Variants in TNPO1 observed in about 807,000 individuals in gnomAD.
TNPO1 encodes transportin 1.
Under a neutral mutation model 119.5 loss-of-function variants are expected in TNPO1, and 8 were observed. The observed-to-expected ratio is 0.07, with a 90% CI of 0.04 to 0.12. The LOEUF (loss-of-function observed/expected upper bound fraction) is 0.12, where lower values mean the gene tolerates loss of function less well. Ranked by LOEUF, TNPO1 falls within the 10% of genes least tolerant of loss-of-function variation. The pLI is 1.00. For missense variants in TNPO1, 576 were observed against 1,089.8 expected (o/e 0.53, Z 6.64); for synonymous variants, 362 against 363.0 (o/e 1.00, Z 0.03).
intron 4 of TNPO1, among the ~76,000 whole-genome samples, chr5:72,861,188 G>A (rs1344486760): frequency 3.3e-5 from 5 of 152,222 alleles, no homozygotes; most frequent in African/African-American, 9.6e-5. Flanking sequence ...TGGGATTACA[G>A]GTGTGAGCCA....
rs868186440 is a variant in TNPO1, at chr5:72,891,954, T to G, written c.1788+58T>G. ...CAAGAACACATGTTCAAATCCAAAA[T>G]GGGTATATATGATAAGAAAAGTGTT... On this transcript the variant is annotated intron_variant, in intron 15 of 24. Transcript: ENST00000337273. 404 of 1,278,996 alleles carry G rather than the reference T, an allele frequency of 3.2e-4. 1 individual carries two copies. The highest frequency in any genetic ancestry group is 5.7e-4 in the Middle Eastern group (3 of 5,284). 79.2% of individuals were successfully genotyped at this position (1,278,996 alleles called of 1,614,324 possible).
At chr5:72,901,861 G>A (rs558609818) in intron 22 of TNPO1, among the ~76,000 whole-genome samples, 20 of 152,162 alleles carry the variant, frequency 1.3e-4, no homozygotes, top group Admixed American at 5.9e-4. Context: ...GGCAGATCAC[G>A]AGGTCAGGAG....
chr5:72,849,832 T>C (rs1036932552), intron 2 of TNPO1, among the ~76,000 whole-genome samples: 2 of 152,220 alleles, frequency 1.3e-5, no homozygotes, highest in African/African-American at 2.4e-5. Context: ...TAGAAGTTGA[T>C]AGTTGATTAA....
chr5:72,891,064 A>G (rs1749013424), intron 14 of TNPO1, among the ~76,000 whole-genome samples: 1 of 152,008 alleles, frequency 6.6e-6, no homozygotes, highest in African/African-American at 2.4e-5. Context: ...GGCTGGCCCA[A>G]ACTCCTGGGT....
rs1159154505 is a variant in TNPO1, at chr5:72,910,354, T to C, written c.*1681T>C. 6.6e-6 allele frequency: 1 copy of C among 152,634 alleles called. No homozygotes were observed. The highest frequency in any genetic ancestry group is 2.4e-5 in the African/African-American group (1 of 41,452). The allele number at this position is 152,634 out of a possible 1,614,324, so 9.5% of individuals were successfully genotyped here. Reference sequence around the variant, plus strand: ...TACTTTTCCTTCCATGTGTATTTTCTTATATACTGTGAATGTGAAAACCTA... The same window carrying C: ...TACTTTTCCTTCCATGTGTATTTTCCTATATACTGTGAATGTGAAAACCTA... On this transcript the variant is annotated 3_prime_UTR_variant, in exon 25 of 25. Coordinates refer to ENST00000337273, the MANE Select transcript of TNPO1 (RefSeq NM_002270.4).
chr5:72,883,072 TGAA>T lies in TNPO1; in HGVS notation c.996_998del (p.Glu332del). 6.2e-7 allele frequency: 1 copy of T among 1,612,106 alleles called. No homozygotes were observed. Among genetic ancestry groups the T allele is most frequent in the Non-Finnish European group, 8.5e-7 (1 of 1,179,296 alleles). Reference sequence around the variant, plus strand: ...TCTTAAAAAAACAACAGGGTGATGTTGAAGAAGACGAAACGATTCCTGATAGTG... The same window carrying T: ...TCTTAAAAAAACAACAGGGTGATGTTGAAGACGAAACGATTCCTGATAGTG... On this transcript the variant is annotated inframe_deletion, in exon 11 of 25. Coordinates refer to ENST00000337273, the MANE Select transcript of TNPO1 (RefSeq NM_002270.4).
At chr5:72,819,597 A>G (rs1261640798) in intron 1 of TNPO1, among the ~76,000 whole-genome samples, 1 of 152,258 alleles carries the variant, frequency 6.6e-6, no homozygotes, top group Non-Finnish European at 1.5e-5. Flanking sequence ...ATCCAAAAAG[A>G]CACTCCATGC....
Position 72,874,570 on chromosome 5 carries a change from TA to T in TNPO1, c.679-1041del, listed in dbSNP as rs556725650. 3.0e-4 allele frequency among the ~76,000 whole-genome samples: 45 copies of T among 152,338 alleles called. 1 individual carries two copies. The highest frequency in any genetic ancestry group is 1.0e-3 in the African/African-American group (42 of 41,582). The stretch of plus-strand genomic sequence containing the variant: ...TGGGAAAATAGTGCTCTTTTGTATG[TA>T]AAATACAATTAAAACAGGAACTACG... On this transcript the variant is annotated intron_variant, in intron 7 of 24. Coordinates refer to ENST00000337273, the MANE Select transcript of TNPO1 (RefSeq NM_002270.4).
intron 11 of TNPO1, among the ~76,000 whole-genome samples, chr5:72,886,752 A>G (rs923101011): frequency 6.6e-6 from 1 of 151,794 alleles, no homozygotes; most frequent in Admixed American, 6.6e-5. Context: ...AGCTGTGCGT[A>G]CTGGCACACA....
chr5:72,816,949 A>C, intron 1 of TNPO1, 197 bp downstream of exon 1: 1 of 577,942 alleles, frequency 1.7e-6, no homozygotes. Context: ...GCCCTGCGGG[A>C]CCCGGGTAGG....
At chr5:72,889,559 G>A (rs997542513) in intron 13 of TNPO1, among the ~76,000 whole-genome samples, 2 of 152,000 alleles carry the variant, frequency 1.3e-5, no homozygotes, top group African/African-American at 4.8e-5. Flanking sequence ...AGACTTACAG[G>A]TTAGTAGGAA....
intron 21 of TNPO1, among the ~76,000 whole-genome samples, chr5:72,900,648 T>G (rs1333576683): frequency 1.3e-5 from 2 of 152,192 alleles, no homozygotes; most frequent in Non-Finnish European, 2.9e-5. Context: ...ATACAAGTCA[T>G]GAGTACAATT....
intron 6 of TNPO1, chr5:72,871,749 A>G (rs1747423602): frequency 6.6e-6 from 1 of 152,130 alleles, no homozygotes; most frequent in Non-Finnish European, 1.5e-5. Context: ...AGAGTGACAA[A>G]AGAAAGAAAC....
intron 1 of TNPO1, 50 bp from the exon 2 acceptor site, chr5:72,848,335 C>A: frequency 6.4e-7 from 1 of 1,558,082 alleles, no homozygotes; most frequent in Non-Finnish European, 8.7e-7. Context: ...GGCCTGTGCA[C>A]CGGGAGTAAC....
Position 72,865,741 on chromosome 5 carries a change from G to T in TNPO1, c.596+12G>T. The T allele has an allele frequency of 6.2e-7, 1 of 1,609,318 alleles. No individual in the cohort carries two copies. The highest frequency in any genetic ancestry group is 8.5e-7 in the Non-Finnish European group (1 of 1,178,320). The stretch of plus-strand genomic sequence containing the variant: ...AGTCCAAAAATAAGGTACTTATATT[G>T]CCAGTACTAATTGATTAACTGTGAT... On this transcript the variant is annotated intron_variant, in intron 6 of 24. Coordinates refer to ENST00000337273, the MANE Select transcript of TNPO1 (RefSeq NM_002270.4).
chr5:72,836,867 C>A (rs1250528464), intron 1 of TNPO1, among the ~76,000 whole-genome samples: 1 of 152,194 alleles, frequency 6.6e-6, no homozygotes, highest in African/African-American at 2.4e-5. Context: ...AGTTCTTTGC[C>A]CCTTTGCAAC....
At chr5:72,896,649 C>CTGGCTGTTTGGCTGT (rs1749449174) in intron 19 of TNPO1, 93 bp downstream of exon 19, 2 of 903,288 alleles carry the variant, frequency 2.2e-6, no homozygotes, top group Non-Finnish European at 3.4e-6. Context: ...GCGGGCAGAT[C>CTGGCTGTTTGGCTGT]ACCTGAGGTC....
intron 6 of TNPO1, among the ~76,000 whole-genome samples, chr5:72,868,431 C>CAA (rs200691585): frequency 0.13 from 3,430 of 27,014 alleles, 1,005 homozygotes; most frequent in East Asian, 0.18. Context: ...GACTCCGTCT[C>CAA]AAAAAAAAAA....
At chr5:72,823,118 T>G (rs1744047646) in intron 1 of TNPO1, among the ~76,000 whole-genome samples, 1 of 152,134 alleles carries the variant, frequency 6.6e-6, no homozygotes. Context: ...AACCGGACTC[T>G]CTTCCACTGT....
Sources: allele counts gnomAD v4.1 joint callset (sites outside exome capture counted in the v4.1 genomes callset), GRCh38; gene constraint gnomAD v4.1.1; transcripts MANE v1.5; gene names NCBI Gene and HGNC (gene_info 2026-07-23, HGNC 2026-07-21).